Variants in NPHP3 observed in about 807,000 individuals in gnomAD.
NPHP3 encodes nephrocystin-3.
A neutral mutation model predicts 171.9 loss-of-function variants in NPHP3; 123 were observed. The ratio of observed to expected loss-of-function variants is 0.72; its 90% confidence interval spans 0.62 to 0.83. The LOEUF is 0.83. NPHP3 is among the 40% of genes least tolerant of loss of function. NPHP3 has a pLI of 0.00. For missense variants in NPHP3, 1,506 were observed against 1,591.9 expected, an observed-to-expected ratio of 0.95 and a Z score of 0.92; for synonymous variants, 558 against 579.2, an observed-to-expected ratio of 0.96 and a Z score of 0.52.
At chr3:132,712,702 C>G (rs1268647566) in intron 6 of NPHP3, among the ~76,000 whole-genome samples, 4 of 151,678 alleles carry the variant, frequency 2.6e-5, no homozygotes, top group South Asian at 2.1e-4. Flanking sequence ...GGAGGTGGAG[C>G]TTGCAGTGAG....
rs1215965777 is a variant in NPHP3, at chr3:132,704,249, CA to C, written c.1472del (p.Met491ArgfsTer26). On this transcript the variant is annotated frameshift_variant, in exon 9 of 27. Coordinates refer to ENST00000337331, the MANE Select transcript of NPHP3 (RefSeq NM_153240.5). LOFTEE classifies it high-confidence loss of function. The part of the protein sequence containing the change: ...LWDIHDEQEQ[M>X]ETFQQASNSA... ...AATTAGAAGCCTGCTGAAAAGTTTC[CA>C]TTTGCTCTTGTTCATCATGTATGTC... 2 of 1,614,044 alleles carry C rather than the reference CA, an allele frequency of 1.2e-6. No homozygotes were observed. The highest frequency in any genetic ancestry group is 3.3e-5 in the Admixed American group (2 of 59,998).
At chr3:132,706,133 GC>G (rs1164644135) in intron 7 of NPHP3, among the ~76,000 whole-genome samples, 4 of 152,024 alleles carry the variant, frequency 2.6e-5, no homozygotes, top group Non-Finnish European at 5.9e-5. Context: ...GTCGAGGTGG[GC>G]GGTTCACGAA....
chr3:132,682,174 A>T (rs1037719442), intron 26 of NPHP3, 84 bp from the exon 27 acceptor site: 5 of 1,299,140 alleles, frequency 3.8e-6, no homozygotes, highest in Non-Finnish European at 5.5e-6. Flanking sequence ...ACAGAAAAAG[A>T]AGCTGTAAAT....
In NPHP3 at chr3:132,691,250, G is replaced by C; in HGVS notation, c.2512C>G (p.Pro838Ala). The C allele has an allele frequency of 6.2e-7, 1 of 1,613,276 alleles. No individual in the cohort carries two copies. Among genetic ancestry groups the C allele is most frequent in the South Asian group, 1.1e-5 (1 of 91,070 alleles). The change falls in exon 18 of 27, where the codon CCC becomes GCC. Residue 838 changes from proline to alanine, a missense_variant. Physicochemically the swap from Pro to Ala is conservative, Grantham distance 27. Coordinates refer to ENST00000337331, the MANE Select transcript of NPHP3 (RefSeq NM_153240.5). ...TGCCTGTATGAAGAAGTAACAGTGG[G>C]GCCTTCCAGGTACTCCAATCTCACT... is the stretch of plus-strand genomic sequence containing the variant. ...ETVRLEYLEGPTVTSSYRQKL... is the reference protein window; with the variant it reads ...ETVRLEYLEGATVTSSYRQKL...
intron 19 of NPHP3, 110 bp from the exon 20 acceptor site, chr3:132,689,373 T>G (rs1939243367): frequency 9.0e-7 from 1 of 1,114,264 alleles, no homozygotes; most frequent in Non-Finnish European, 1.3e-6. Context: ...AGTAGGCGAG[T>G]ACTGTGTAAT....
chr3:132,682,496 GCATACATATGCT>G, intron 26 of NPHP3, 195 bp downstream of exon 26: 1 of 589,648 alleles, frequency 1.7e-6, no homozygotes, highest in Non-Finnish European at 3.0e-6. Flanking sequence ...TTGCCATGAT[GCATACATATGCT>G]CCTCTGCAAA....
chr3:132,708,027 T>C lies in NPHP3; in HGVS notation c.1275+74A>G, dbSNP rs765239354. 6 of 1,434,868 alleles carry C rather than the reference T, an allele frequency of 4.2e-6. 1 individual carries two copies. The South Asian group carries it at 7.1e-5, about 17-fold the overall frequency. The allele number at this position is 1,434,868 out of a possible 1,614,324, so 88.9% of individuals were successfully genotyped here. A position where few individuals can be genotyped will look rare whatever the true frequency, so the allele number is the denominator to read the frequency against. ...CCCCTCCCCAGATATGCCAGGCTTA[T>C]GCCCACCTCATGGCCTTTGCTCCAG... On this transcript the variant is annotated intron_variant, in intron 7 of 26. Transcript: ENST00000337331.
Position 132,722,195 on chromosome 3 carries a change from CCTG to C in NPHP3, c.158_160del (p.Ala53del), listed in dbSNP as rs766573820. The C allele has an allele frequency of 3.1e-5, 47 of 1,507,196 alleles. No homozygotes were observed. Among genetic ancestry groups the C allele is most frequent in the Middle Eastern group, 3.8e-4 (2 of 5,326 alleles). The allele number at this position is 1,507,196 out of a possible 1,614,324, so 93.4% of individuals were successfully genotyped here. On this transcript the variant is annotated inframe_deletion, in exon 1 of 27. Coordinates refer to ENST00000337331, the MANE Select transcript of NPHP3 (RefSeq NM_153240.5). ...GCGGGGCAGCGACCCGGGCCCGGCC[CCTG>C]CTGCCGCCCCCGCGCCTCGGCGGAA... is the stretch of plus-strand genomic sequence containing the variant.
chr3:132,712,170 G>A (rs1470141951), intron 6 of NPHP3, among the ~76,000 whole-genome samples: 10 of 152,130 alleles, frequency 6.6e-5, no homozygotes, highest in Non-Finnish European at 1.2e-4. Context: ...CACATTATAA[G>A]AACATTGTTC....
rs777908405 is a variant in NPHP3, at chr3:132,682,825, A to T, written c.3697-7T>A. ...AAGCTTCAACGTGTTTTTTCTTATTAAAAAAAATGATAATGCTCATGCACA... is the reference window on the plus strand; with the variant it reads ...AAGCTTCAACGTGTTTTTTCTTATTTAAAAAAATGATAATGCTCATGCACA... On this transcript the variant is annotated splice_polypyrimidine_tract_variant and splice_region_variant and intron_variant, in intron 25 of 26. Coordinates refer to ENST00000337331, the MANE Select transcript of NPHP3 (RefSeq NM_153240.5). 50 of 1,523,022 alleles carry T rather than the reference A, an allele frequency of 3.3e-5. No homozygotes were observed. The highest frequency in any genetic ancestry group is 2.9e-4 in the South Asian group (26 of 89,022). 94.3% of individuals were successfully genotyped at this position (1,523,022 alleles called of 1,614,324 possible). A position where few individuals can be genotyped will look rare whatever the true frequency, so the allele number is the denominator to read the frequency against.
At chr3:132,718,844 CAGAG>C (rs1940125901) in intron 3 of NPHP3, 146 bp downstream of exon 3, 1 of 761,526 alleles carries the variant, frequency 1.3e-6, no homozygotes, top group Admixed American at 2.2e-5. Context: ...TAGCAGCTGA[CAGAG>C]AGAACACACG....
chr3:132,696,293 T>C (rs1035886448), intron 15 of NPHP3, among the ~76,000 whole-genome samples: 2 of 145,072 alleles, frequency 1.4e-5, no homozygotes, highest in African/African-American at 5.4e-5. Context: ...AGATTACTAA[T>C]GGATATCTAA....
chr3:132,721,621 G>T, intron 1 of NPHP3: 1 of 426,638 alleles, frequency 2.3e-6, no homozygotes, highest in South Asian at 2.0e-5. Flanking sequence ...TCTTCTAGGT[G>T]CCTCAATGAA....
At chr3:132,720,124 T>C (rs1405408017) in intron 1 of NPHP3, among the ~76,000 whole-genome samples, 2 of 152,206 alleles carry the variant, frequency 1.3e-5, no homozygotes, top group African/African-American at 4.8e-5. Flanking sequence ...GCCTTTTCCA[T>C]CTTTGTGATA....
chr3:132,690,981 A>G (rs1206475285), intron 18 of NPHP3, among the ~76,000 whole-genome samples: 1 of 152,228 alleles, frequency 6.6e-6, no homozygotes, highest in Non-Finnish European at 1.5e-5. Flanking sequence ...ATGATCCTAC[A>G]TTGATTTTCC....
chr3:132,722,269 C>A lies in NPHP3; in HGVS notation c.87G>T (p.Glu29Asp), dbSNP rs951093397. Reference sequence around the variant, plus strand: ...CCTTGGGCTTCACCTCCACCGGGATCTCGCAGGCCTCGCCGCCGCCCGCCC... The same window carrying A: ...CCTTGGGCTTCACCTCCACCGGGATATCGCAGGCCTCGCCGCCGCCCGCCC... ...TYGAGGGEACEIPVEVKPKAR... is the reference protein window; with the variant it reads ...TYGAGGGEACDIPVEVKPKAR... The change falls in exon 1 of 27, where the codon GAG (glutamate) becomes GAT (aspartate). Residue 29 changes from glutamate (E) to aspartate (D), a missense_variant. Physicochemically the swap from Glu to Asp is conservative, Grantham distance 45 (BLOSUM62 2). Coordinates refer to ENST00000337331, the MANE Select transcript of NPHP3 (RefSeq NM_153240.5). 7.0e-6 allele frequency: 11 copies of A among 1,577,238 alleles called. No homozygotes were observed. In the African/African-American group the frequency reaches 1.1e-4, roughly 16 times the overall value.
chr3:132,718,142 TGTCA>T, intron 3 of NPHP3: 1 of 443,746 alleles, frequency 2.3e-6, no homozygotes, highest in Non-Finnish European at 4.5e-6. Flanking sequence ...AAGAAGGAAC[TGTCA>T]GTTACCATAT....
intron 24 of NPHP3, 24 bp downstream of exon 24, chr3:132,684,530 G>A (rs979951603): frequency 1.7e-5 from 27 of 1,612,388 alleles, no homozygotes; most frequent in Non-Finnish European, 2.2e-5. Context: ...TATAAAACAT[G>A]TAAGAATGTC....
At chr3:132,682,871 T>C in intron 25 of NPHP3, 53 bp from the exon 26 acceptor site, 1 of 1,110,072 alleles carries the variant, frequency 9.0e-7, no homozygotes, top group East Asian at 2.4e-5. Context: ...GAAATTAATG[T>C]ATTCTAGACT....
Sources: gnomAD v4.1 joint callset for allele counts (sites outside exome capture counted in the v4.1 genomes callset) on GRCh38, gnomAD v4.1.1 for gene constraint, MANE v1.5 for transcripts, NCBI Gene and HGNC (gene_info 2026-07-23, HGNC 2026-07-21) for gene names.